Variants in WWC2 observed in about 807,000 individuals in gnomAD.
The protein encoded by WWC2 is protein WWC2.
Under a neutral mutation model 138.5 loss-of-function variants are expected in WWC2, and 101 were observed. The observed-to-expected ratio is 0.73, with a 90% CI of 0.62 to 0.86. The LOEUF (loss-of-function observed/expected upper bound fraction) is 0.86. WWC2 is among the 40% of genes least tolerant of loss of function. The pLI, the probability that WWC2 is intolerant of heterozygous loss-of-function variation, is 0.00. For missense variants in WWC2, 1,420 were observed against 1,419.4 expected, an observed-to-expected ratio of 1.00 and a Z score of -0.01; for synonymous variants, 558 against 538.4, an observed-to-expected ratio of 1.04 and a Z score of -0.50.
intron 12 of WWC2, 66 bp downstream of exon 12, chr4:183,265,173 G>T: frequency 6.5e-7 from 1 of 1,530,298 alleles, no homozygotes; most frequent in Non-Finnish European, 8.8e-7. Flanking sequence ...TGGGTTATAT[G>T]CTGTAAATGG....
At chr4:183,104,288 G>T (rs1328766858) in intron 1 of WWC2, among the ~76,000 whole-genome samples, 2 of 152,172 alleles carry the variant, frequency 1.3e-5, no homozygotes, top group East Asian at 3.8e-4. Context: ...TTAAATAAAT[G>T]TTGGTTAATT....
intron 1 of WWC2, among the ~76,000 whole-genome samples, chr4:183,106,868 T>A (rs1336829023): frequency 6.6e-6 from 1 of 152,254 alleles, no homozygotes; most frequent in Non-Finnish European, 1.5e-5. Context: ...CTGTTATGAA[T>A]GATGCTGCTA....
chr4:183,247,145 C>G (rs1277760250), intron 6 of WWC2, among the ~76,000 whole-genome samples: 1 of 152,110 alleles, frequency 6.6e-6, no homozygotes, highest in Non-Finnish European at 1.5e-5. Context: ...CCCAGTAACA[C>G]ACAATTGTGT....
chr4:183,236,232 T>G (rs1736419819), intron 4 of WWC2, among the ~76,000 whole-genome samples: 1 of 152,220 alleles, frequency 6.6e-6, no homozygotes. Context: ...GTGTGCTGTT[T>G]TGGTTACTAT....
chr4:183,133,706 A>T (rs1733016306), intron 1 of WWC2, among the ~76,000 whole-genome samples: 1 of 152,164 alleles, frequency 6.6e-6, no homozygotes, highest in Admixed American at 6.5e-5. Flanking sequence ...CGTGTTGGCC[A>T]GGCTGGTCTT....
At chr4:183,188,305 C>A (rs1383607432) in intron 1 of WWC2, among the ~76,000 whole-genome samples, 1 of 152,144 alleles carries the variant, frequency 6.6e-6, no homozygotes, top group Non-Finnish European at 1.5e-5. Flanking sequence ...GTGGCACAAT[C>A]TTGGCTCACT....
intron 4 of WWC2, among the ~76,000 whole-genome samples, chr4:183,209,375 G>T (rs564048445): frequency 5.3e-5 from 8 of 152,078 alleles, no homozygotes; most frequent in African/African-American, 7.2e-5. Flanking sequence ...TTACAGGCGC[G>T]TGCCACTATG....
chr4:183,113,227 G>A (rs1487026445), intron 1 of WWC2, among the ~76,000 whole-genome samples: 3 of 151,992 alleles, frequency 2.0e-5, no homozygotes, highest in Non-Finnish European at 4.4e-5. Context: ...AGCTGAGATT[G>A]CACCACTGCA....
chr4:183,178,634 C>A (rs987972597), intron 1 of WWC2, among the ~76,000 whole-genome samples: 2 of 151,400 alleles, frequency 1.3e-5, no homozygotes, highest in African/African-American at 4.8e-5. Context: ...GCACCAGATA[C>A]TTCCCCACAA....
intron 11 of WWC2, 140 bp from the exon 12 acceptor site, chr4:183,264,838 G>A (rs1737441017): frequency 8.6e-6 from 8 of 927,598 alleles, no homozygotes; most frequent in Non-Finnish European, 1.2e-5. Flanking sequence ...GTTTACAGCT[G>A]TAGATTTGAA....
At chr4:183,253,223 G>C (rs773612721) in intron 8 of WWC2, among the ~76,000 whole-genome samples, 3 of 152,060 alleles carry the variant, frequency 2.0e-5, no homozygotes, top group Non-Finnish European at 2.9e-5. Context: ...TCTCTTTGCT[G>C]CTCTCTCCTT....
intron 2 of WWC2, among the ~76,000 whole-genome samples, chr4:183,206,098 A>T (rs1021051584): frequency 6.6e-6 from 1 of 151,932 alleles, no homozygotes; most frequent in African/African-American, 2.4e-5. Flanking sequence ...CCCTCTTTGC[A>T]CTGCTGTCCA....
rs35722099 is a variant in WWC2 at position 183,203,177 on chromosome 4, C to CTT, written c.242-4762_242-4761dup. Reference sequence around the variant, plus strand: ...CTCAGGACTCAAAATAATTCATTTGCTTTTTTTTTTTTTTTAAACTTTCAT... The same window carrying CTT: ...CTCAGGACTCAAAATAATTCATTTGCTTTTTTTTTTTTTTTTTAAACTTTCAT... On this transcript the variant is annotated intron_variant, in intron 2 of 22. Transcript: ENST00000403733. Among the ~76,000 whole-genome samples, 1,164 of 139,182 alleles carry CTT rather than the reference C, an allele frequency of 8.4e-3. 14 individuals carry two copies. Among genetic ancestry groups the CTT allele is most frequent in the African/African-American group, 0.028 (1,047 of 37,804 alleles). 91.3% of individuals were successfully genotyped at this position (139,182 alleles called of 152,430 possible).
At chr4:183,284,088 A>G (rs1738165865) in intron 18 of WWC2, 138 bp from the exon 19 acceptor site, 3 of 969,428 alleles carry the variant, frequency 3.1e-6, no homozygotes, top group Admixed American at 2.7e-5. Flanking sequence ...TCTGTAATGC[A>G]AAGCCTTTCT....
chr4:183,235,839 T>G lies in WWC2; in HGVS notation c.523-4344T>G, dbSNP rs77851129. 1.1e-3 allele frequency among the ~76,000 whole-genome samples: 168 copies of G among 152,330 alleles called. 6 individuals are homozygous for G. The East Asian group carries it at 0.028, about 26-fold the overall frequency. ...CAAGATAAAGAATGTCTTAAACAAT[T>G]TTTAAAAAAATTTAAATTGACCTAT... On this transcript the variant is annotated intron_variant, in intron 4 of 22. Transcript: ENST00000403733.
In WWC2 at chr4:183,320,391, A is replaced by C; in HGVS notation, c.*4662A>C. On this transcript the variant is annotated 3_prime_UTR_variant, in exon 23 of 23. Coordinates refer to ENST00000403733, the MANE Select transcript of WWC2 (RefSeq NM_024949.6). ...TGATTCCATGTTGAATGGGTTTCAC[A>C]AAAGGATAGGGAAATAATGCCGCCA... is the stretch of plus-strand genomic sequence containing the variant. The C allele has an allele frequency of 1.5e-6, 1 of 675,618 alleles. No individual in the cohort carries two copies. The highest frequency in any genetic ancestry group is 2.1e-5 in the South Asian group (1 of 47,604). 41.9% of individuals were successfully genotyped at this position (675,618 alleles called of 1,614,324 possible).
At chr4:183,269,461 T>C (rs1333876345) in intron 15 of WWC2, 9 of 544,308 alleles carry the variant, frequency 1.7e-5, no homozygotes, top group African/African-American at 3.8e-5. Context: ...TGGAGTGTGC[T>C]TACCACTCCC....
intron 5 of WWC2, 171 bp downstream of exon 5, chr4:183,240,433 C>G (rs1580096293): frequency 1.9e-6 from 1 of 520,844 alleles, no homozygotes; most frequent in East Asian, 3.2e-5. Context: ...GATAAAAAAA[C>G]TTGGGAAAGA....
At chr4:183,189,925 T>C (rs1228865215) in intron 1 of WWC2, among the ~76,000 whole-genome samples, 1 of 152,198 alleles carries the variant, frequency 6.6e-6, no homozygotes, top group Non-Finnish European at 1.5e-5. Context: ...GTAGGACATG[T>C]ATTTGAGTTG....
Sources: allele counts gnomAD v4.1 joint callset (sites outside exome capture counted in the v4.1 genomes callset), GRCh38; gene constraint gnomAD v4.1.1; transcripts MANE v1.5; gene names NCBI Gene and HGNC (gene_info 2026-07-23, HGNC 2026-07-21).